OTUD7A: variants seen among roughly 807,000 people sequenced by gnomAD.
OTUD7A encodes OTU domain-containing protein 7A.
OTUD7A carries 12 observed loss-of-function variants against 65.7 expected under a neutral mutation model. That is an observed-to-expected ratio of 0.18 (90% CI 0.12 to 0.30). The LOEUF is 0.30. OTUD7A is among the 10% of genes least tolerant of loss of function. The pLI is 1.00. For missense variants in OTUD7A, 1,148 were observed against 1,304.8 expected, an observed-to-expected ratio of 0.88 and a Z score of 1.85; for synonymous variants, 641 against 586.3, an observed-to-expected ratio of 1.09 and a Z score of -1.35.
intron 1 of OTUD7A, among the ~76,000 whole-genome samples, chr15:31,658,111 C>A (rs1892046437): frequency 6.6e-6 from 1 of 152,162 alleles, no homozygotes; most frequent in Non-Finnish European, 1.5e-5. Context: ...TGACCTTGGG[C>A]ATGTTATATC....
chr15:31,746,645 C>T (rs1451700453), intron 1 of OTUD7A, among the ~76,000 whole-genome samples: 10 of 151,812 alleles, frequency 6.6e-5, no homozygotes, highest in South Asian at 4.2e-4. Context: ...TACAAGCATG[C>T]GCCACCACAC....
chr15:31,720,305 C>G (rs1893699602), intron 1 of OTUD7A, among the ~76,000 whole-genome samples: 1 of 151,514 alleles, frequency 6.6e-6, no homozygotes, highest in African/African-American at 2.4e-5. Flanking sequence ...AGTCAATGGT[C>G]TGCATATACA....
Position 31,559,728 on chromosome 15 carries a change from C to T in OTUD7A, c.332-541G>A, listed in dbSNP as rs150050414. Among the ~76,000 whole-genome samples, 112 of 152,310 alleles carry T rather than the reference C, an allele frequency of 7.4e-4. 2 individuals are homozygous for T. The East Asian group carries it at 0.018, about 24-fold the overall frequency. The stretch of plus-strand genomic sequence containing the variant: ...CTACAGACTATACACATACTATATA[C>T]GTGTACACATATAGATGTATTTGCA... On this transcript the variant is annotated intron_variant, in intron 4 of 12. Transcript: ENST00000307050.
chr15:31,852,335 T>A (rs1030816875), intron 1 of OTUD7A, among the ~76,000 whole-genome samples: 1 of 152,258 alleles, frequency 6.6e-6, no homozygotes, highest in African/African-American at 2.4e-5. Flanking sequence ...TCAACTCTTG[T>A]TCCTTGGAAT....
chr15:31,845,488 C>A (rs1435340770), intron 1 of OTUD7A, among the ~76,000 whole-genome samples: 2 of 152,232 alleles, frequency 1.3e-5, no homozygotes, highest in African/African-American at 4.8e-5. Context: ...CTCTGTGAAG[C>A]TGGCCTCACG....
At chr15:31,735,533 CA>C (rs71113418) in intron 1 of OTUD7A, among the ~76,000 whole-genome samples, 147 of 134,610 alleles carry the variant, frequency 1.1e-3, no homozygotes, top group African/African-American at 3.0e-3. Context: ...AACTCTGTCT[CA>C]AAAAAAAAAA....
At chr15:31,631,985 T>C (rs1351161819) in intron 3 of OTUD7A, among the ~76,000 whole-genome samples, 1 of 152,164 alleles carries the variant, frequency 6.6e-6, no homozygotes, top group Non-Finnish European at 1.5e-5. Flanking sequence ...TAGTTATCCA[T>C]TCATCTAGTT....
chr15:31,680,720 A>G (rs1228969330), intron 1 of OTUD7A, among the ~76,000 whole-genome samples: 2 of 152,258 alleles, frequency 1.3e-5, no homozygotes, highest in Non-Finnish European at 2.9e-5. Flanking sequence ...AAGAAATGAC[A>G]GGGGACTGGG....
chr15:31,867,903 G>C (rs1433476825), intron 1 of OTUD7A, among the ~76,000 whole-genome samples: 2 of 151,718 alleles, frequency 1.3e-5, no homozygotes, highest in Non-Finnish European at 1.5e-5. Flanking sequence ...ATGCGGGAGC[G>C]GAGGGGGAGG....
intron 3 of OTUD7A, among the ~76,000 whole-genome samples, chr15:31,652,445 A>G (rs949933774): frequency 9.9e-5 from 15 of 152,202 alleles, no homozygotes; most frequent in African/African-American, 3.6e-4. Context: ...AATTTCTCAG[A>G]TATGTCACTC....
chr15:31,665,944 G>A (rs563842917), intron 1 of OTUD7A, among the ~76,000 whole-genome samples: 2 of 152,104 alleles, frequency 1.3e-5, no homozygotes, highest in South Asian at 4.1e-4. Flanking sequence ...TTCTGTTTGT[G>A]TGGTACATTG....
intron 1 of OTUD7A, among the ~76,000 whole-genome samples, chr15:31,848,898 C>T (rs1233290320): frequency 1.3e-5 from 2 of 152,182 alleles, no homozygotes; most frequent in Non-Finnish European, 2.9e-5. Context: ...GGATCCACAT[C>T]CCAAGCTATT....
At chr15:31,485,697 C>T (rs780994137) in intron 12 of OTUD7A, among the ~76,000 whole-genome samples, 1 of 152,238 alleles carries the variant, frequency 6.6e-6, no homozygotes, top group Non-Finnish European at 1.5e-5. Flanking sequence ...GCCCATCATG[C>T]TGGCCGCTGG....
chr15:31,756,626 CAACACACACACACA>C (rs1306776710), intron 1 of OTUD7A, among the ~76,000 whole-genome samples: 1 of 104,594 alleles, frequency 9.6e-6, no homozygotes, highest in African/African-American at 4.2e-5. Context: ...CCAGTGTACC[CAACACACACACACA>C]CACACACACA....
At chr15:31,599,706 C>G (rs1890018084) in intron 3 of OTUD7A, among the ~76,000 whole-genome samples, 1 of 152,100 alleles carries the variant, frequency 6.6e-6, no homozygotes, top group African/African-American at 2.4e-5. Flanking sequence ...GCTAAAGGAA[C>G]ATATTCTAAC....
At chr15:31,833,649 T>C (rs1896988014) in intron 1 of OTUD7A, among the ~76,000 whole-genome samples, 1 of 152,230 alleles carries the variant, frequency 6.6e-6, no homozygotes, top group African/African-American at 2.4e-5. Flanking sequence ...TTTAAGTCAA[T>C]ATAAAAGTGT....
At chr15:31,741,701 T>C (rs1422765889) in intron 1 of OTUD7A, among the ~76,000 whole-genome samples, 1 of 152,106 alleles carries the variant, frequency 6.6e-6, no homozygotes, top group Admixed American at 6.5e-5. Context: ...GAAAGTTTTA[T>C]TGCTTTAGAT....
chr15:31,739,710 A>G (rs1894287096), intron 1 of OTUD7A, among the ~76,000 whole-genome samples: 1 of 152,050 alleles, frequency 6.6e-6, no homozygotes, highest in Non-Finnish European at 1.5e-5. Context: ...CTTGTGCCTC[A>G]GCCACCAGAG....
chr15:31,649,798 G>A (rs71476547), intron 3 of OTUD7A: 52,969 of 434,156 alleles, frequency 0.12, 3,853 homozygotes, highest in East Asian at 0.25. Context: ...AGCAGCGACC[G>A]GGCTCAGGAA....
Sources: gnomAD v4.1 joint callset for allele counts (sites outside exome capture counted in the v4.1 genomes callset) on GRCh38, gnomAD v4.1.1 for gene constraint, MANE v1.5 for transcripts, NCBI Gene and HGNC (gene_info 2026-07-23, HGNC 2026-07-21) for gene names.